ARHGAP26: variants seen among roughly 807,000 people sequenced by gnomAD.
ARHGAP26 encodes the protein Rho GTPase activating protein 26, also known as rho GTPase-activating protein 26.
Under a neutral mutation model 104.8 loss-of-function variants are expected in ARHGAP26, and 38 were observed. The ratio of observed to expected loss-of-function variants is 0.36; its 90% CI spans 0.28 to 0.48. The LOEUF (loss-of-function observed/expected upper bound fraction) is 0.48. Ranked by LOEUF, ARHGAP26 falls within the 20% of genes least tolerant of loss-of-function variation. ARHGAP26 has a pLI of 0.99. For synonymous variants in ARHGAP26, 341 were observed against 340.0 expected (o/e 1.00, Z -0.03); for missense variants, 704 against 947.9 (o/e 0.74, Z 3.38).
At chr5:142,962,308 ACT>A (rs1394528894) in intron 11 of ARHGAP26, among the ~76,000 whole-genome samples, 3 of 152,260 alleles carry the variant, frequency 2.0e-5, no homozygotes, top group Non-Finnish European at 4.4e-5. Context: ...CCTCAGTTCA[ACT>A]CTCAGCCAGG....
At chr5:143,120,282 C>T (rs766311562) in intron 17 of ARHGAP26, among the ~76,000 whole-genome samples, 3 of 152,146 alleles carry the variant, frequency 2.0e-5, no homozygotes, top group Admixed American at 6.5e-5. Context: ...AATATGCCTA[C>T]GTCTTTAGCA....
intron 18 of ARHGAP26, among the ~76,000 whole-genome samples, chr5:143,124,407 T>C (rs978000197): frequency 6.6e-6 from 1 of 152,242 alleles, no homozygotes; most frequent in African/African-American, 2.4e-5. Flanking sequence ...GCAATTATTT[T>C]ATTACTCTCA....
At chr5:143,217,731 C>T (rs1015907265) in intron 22 of ARHGAP26, among the ~76,000 whole-genome samples, 11 of 152,208 alleles carry the variant, frequency 7.2e-5, no homozygotes, top group African/African-American at 2.4e-4. Flanking sequence ...TCTTCGCTGC[C>T]ACGCCCAAGC....
chr5:142,966,547 C>G (rs181657414), intron 11 of ARHGAP26, among the ~76,000 whole-genome samples: 3 of 152,208 alleles, frequency 2.0e-5, no homozygotes, highest in Admixed American at 6.5e-5. Flanking sequence ...ATTGTAGGTG[C>G]ATTTAATTGT....
At chr5:143,012,723 G>C (rs1265597282) in intron 11 of ARHGAP26, among the ~76,000 whole-genome samples, 1 of 148,474 alleles carries the variant, frequency 6.7e-6, no homozygotes, top group Non-Finnish European at 1.5e-5. Context: ...GCGTGATCTC[G>C]GCTCACTGCA....
At chr5:142,786,991 C>CT (rs1169695928) in intron 1 of ARHGAP26, among the ~76,000 whole-genome samples, 1 of 152,120 alleles carries the variant, frequency 6.6e-6, no homozygotes, top group Non-Finnish European at 1.5e-5. Context: ...TTTGAGGTGA[C>CT]TAAGACATTC....
intron 5 of ARHGAP26, among the ~76,000 whole-genome samples, chr5:142,890,151 A>AATATATATATATATATATAT (rs752591382): frequency 3.1e-5 from 1 of 32,430 alleles, no homozygotes; most frequent in Non-Finnish European, 5.5e-5. Flanking sequence ...AAAAAAAAAA[A>AATATATATATATATATATAT]ATATATATAT....
intron 12 of ARHGAP26, among the ~76,000 whole-genome samples, chr5:143,036,833 C>T (rs547795200): frequency 2.6e-5 from 4 of 152,112 alleles, no homozygotes; most frequent in Non-Finnish European, 4.4e-5. Flanking sequence ...TGAAGGAGAC[C>T]GCAATTAGTT....
intron 12 of ARHGAP26, among the ~76,000 whole-genome samples, chr5:143,033,483 A>G (rs1045157914): frequency 1.3e-5 from 2 of 152,166 alleles, no homozygotes; most frequent in Non-Finnish European, 2.9e-5. Flanking sequence ...CCACACACAC[A>G]AAAAAAGGTT....
chr5:143,033,565 G>A (rs1782187426), intron 12 of ARHGAP26, among the ~76,000 whole-genome samples: 1 of 152,160 alleles, frequency 6.6e-6, no homozygotes, highest in Admixed American at 6.5e-5. Context: ...TGTATCTTCT[G>A]ACCACTGGGG....
At chr5:142,991,752 A>C (rs1775648521) in intron 11 of ARHGAP26, among the ~76,000 whole-genome samples, 1 of 152,266 alleles carries the variant, frequency 6.6e-6, no homozygotes, top group Non-Finnish European at 1.5e-5. Context: ...TACACCATAT[A>C]GCCTAGTTGT....
rs1401318628 is a variant in ARHGAP26 at position 143,224,883 on chromosome 5, C to G, written c.*2437C>G. ...AGGGGTTTGTCATGGTGATTCACTA[C>G]TCAGTTTATCAGCTCAAGGATTATA... On this transcript the variant is annotated 3_prime_UTR_variant, in exon 23 of 23. Coordinates refer to ENST00000645722, the MANE Select transcript of ARHGAP26 (RefSeq NM_001135608.3). 5 of 226,036 alleles carry G rather than the reference C, an allele frequency of 2.2e-5. No homozygotes were observed. The highest frequency in any genetic ancestry group is 1.1e-4 in the African/African-American group (5 of 44,938). The allele number at this position is 226,036 out of a possible 1,614,324, so 14.0% of individuals were successfully genotyped here.
chr5:142,930,286 G>A (rs1415431957), intron 10 of ARHGAP26, among the ~76,000 whole-genome samples: 1 of 152,162 alleles, frequency 6.6e-6, no homozygotes, highest in Non-Finnish European at 1.5e-5. Context: ...AAGCCACAGG[G>A]TCAGTTCTGT....
At chr5:142,776,172 G>T (rs1756275349) in intron 1 of ARHGAP26, among the ~76,000 whole-genome samples, 1 of 151,944 alleles carries the variant, frequency 6.6e-6, no homozygotes, top group African/African-American at 2.4e-5. Flanking sequence ...GTCTCACTTT[G>T]TTGTTGCCCA....
At position 143,187,820 on chromosome 5, in the gene ARHGAP26, A is replaced by T. The variant is rs976001303; in HGVS notation, c.1989-19378A>T. Among the ~76,000 whole-genome samples the T allele has an allele frequency of 9.9e-5, 15 of 152,188 alleles. No homozygotes were observed. The South Asian group carries it at 1.4e-3, about 15-fold the overall frequency. On this transcript the variant is annotated intron_variant, in intron 20 of 22. Coordinates refer to ENST00000645722, the MANE Select transcript of ARHGAP26 (RefSeq NM_001135608.3). Reference sequence around the variant, plus strand: ...GGCATGTCATAAGTGCACTCTATCCATTGGGAGCTGTTATTTTAGAAGCAG... The same window carrying T: ...GGCATGTCATAAGTGCACTCTATCCTTTGGGAGCTGTTATTTTAGAAGCAG...
At chr5:142,912,942 A>G (rs566372769) in intron 9 of ARHGAP26, among the ~76,000 whole-genome samples, 1 of 152,300 alleles carries the variant, frequency 6.6e-6, no homozygotes, top group East Asian at 1.9e-4. Context: ...TCGTTTATCT[A>G]CCATGGACAG....
At position 143,031,065 on chromosome 5, in the gene ARHGAP26, G is replaced by A. The variant is rs552334581; in HGVS notation, c.1145-6131G>A. Among the ~76,000 whole-genome samples, 3 of 152,370 alleles carry A rather than the reference G, an allele frequency of 2.0e-5. No individual in the cohort carries two copies. In the South Asian group the frequency reaches 6.2e-4, roughly 32 times the overall value. On this transcript the variant is annotated intron_variant, in intron 12 of 22. Transcript: ENST00000645722. ...AGGACACTTGAGGGTAATGTGAGTT[G>A]GGAGCCAAAGGCTCCCGTGCGAAAT...
rs191270467 is a variant in ARHGAP26 at position 143,083,113 on chromosome 5, G to T, written c.1538+25366G>T. On this transcript the variant is annotated intron_variant, in intron 17 of 22. Transcript: ENST00000645722. ...GTATCTTGGGGAAGCTAGAGCTGGA[G>T]ACTTTTTCTTCGTCTTCTTCCTTTT... is the stretch of plus-strand genomic sequence containing the variant. Among the ~76,000 whole-genome samples the T allele has an allele frequency of 2.4e-3, 365 of 152,298 alleles. 2 individuals are homozygous for T. Among genetic ancestry groups the T allele is most frequent in the Non-Finnish European group, 4.3e-3 (291 of 68,024 alleles).
Position 143,169,061 on chromosome 5 carries a change from T to C in ARHGAP26, c.1988+21680T>C, listed in dbSNP as rs1376295965. Reference sequence around the variant, plus strand: ...GCACCATGCACTACTAAAGTGACTGTTGGGGCCTTTGCTTTTGCAATGTTT... The same window carrying C: ...GCACCATGCACTACTAAAGTGACTGCTGGGGCCTTTGCTTTTGCAATGTTT... On this transcript the variant is annotated intron_variant, in intron 20 of 22. Coordinates refer to ENST00000645722, the MANE Select transcript of ARHGAP26 (RefSeq NM_001135608.3). The C allele has an allele frequency of 2.6e-5, 4 of 152,244 alleles. No homozygotes were observed. In the East Asian group the frequency reaches 7.7e-4, roughly 29 times the overall value. 9.4% of individuals were successfully genotyped at this position (152,244 alleles called of 1,614,324 possible).
Sources: gnomAD v4.1 joint callset for allele counts (sites outside exome capture counted in the v4.1 genomes callset) on GRCh38, gnomAD v4.1.1 for gene constraint, MANE v1.5 for transcripts, NCBI Gene and HGNC (gene_info 2026-07-23, HGNC 2026-07-21) for gene names.